The following ESYT2 variants were observed in gnomAD, a reference collection of about 807,000 sequenced individuals.
ESYT2 encodes extended synaptotagmin 2.
ESYT2 carries 54 observed loss-of-function variants against 107.2 expected under a neutral mutation model. The observed-to-expected ratio is 0.50, with a 90% CI of 0.40 to 0.63. ESYT2 has a LOEUF of 0.63. ESYT2 is among the 30% of genes least tolerant of loss of function. ESYT2 has a pLI of 0.00. For synonymous variants in ESYT2, 491 were observed against 434.1 expected (o/e 1.13, Z -1.63); for missense variants, 1,020 against 1,094.5 (o/e 0.93, Z 0.96).
At chr7:158,735,759 G>C in intron 20 of ESYT2, 151 bp from the exon 21 acceptor site, 1 of 719,774 alleles carries the variant, frequency 1.4e-6, no homozygotes, top group Non-Finnish European at 2.2e-6. Flanking sequence ...TTTTAATCTG[G>C]CATTTCAGGA....
At chr7:158,776,492 T>C (rs1838567447) in intron 6 of ESYT2, among the ~76,000 whole-genome samples, 2 of 152,274 alleles carry the variant, frequency 1.3e-5, no homozygotes, top group African/African-American at 2.4e-5. Context: ...TTTTATGTTA[T>C]GGAGATGGCT....
chr7:158,822,246 T>C (rs1476523614), intron 1 of ESYT2, among the ~76,000 whole-genome samples: 2 of 152,198 alleles, frequency 1.3e-5, no homozygotes, highest in Non-Finnish European at 2.9e-5. Context: ...AAAATTATGT[T>C]CTGATAGAAT....
intron 1 of ESYT2, among the ~76,000 whole-genome samples, chr7:158,819,501 T>C (rs1840234246): frequency 6.6e-6 from 1 of 152,234 alleles, no homozygotes; most frequent in Non-Finnish European, 1.5e-5. Context: ...GTCAAAGTCA[T>C]ATTTCTGAAG....
chr7:158,740,408 C>T (rs1226643165), intron 18 of ESYT2, among the ~76,000 whole-genome samples: 1 of 152,236 alleles, frequency 6.6e-6, no homozygotes, highest in Non-Finnish European at 1.5e-5. Context: ...GTTAAAACCA[C>T]ACAGTGTCCT....
At chr7:158,762,177 T>G (rs1461802220) in intron 10 of ESYT2, among the ~76,000 whole-genome samples, 1 of 152,102 alleles carries the variant, frequency 6.6e-6, no homozygotes, top group African/African-American at 2.4e-5. Context: ...CTAGATGGGA[T>G]GATTATACTC....
chr7:158,782,185 AAGAACAAGTG>A (rs1236061042), intron 6 of ESYT2, among the ~76,000 whole-genome samples: 35 of 147,786 alleles, frequency 2.4e-4, no homozygotes, highest in Non-Finnish European at 4.0e-4. Flanking sequence ...GTGAGTGTGA[AAGAACAAGTG>A]AGAACAAGTG....
chr7:158,782,665 A>AGTGTGAGAACAAATGTGAGAATGG (rs1236741305), intron 6 of ESYT2, among the ~76,000 whole-genome samples: 1 of 152,184 alleles, frequency 6.6e-6, no homozygotes, highest in Non-Finnish European at 1.5e-5. Flanking sequence ...TTAAAGAACA[A>AGTGTGAGAACAAATGTGAGAATGG]GTGTGAGAAC....
rs975015785 is a variant in ESYT2, at chr7:158,755,610, A to G, written c.1420-2767T>C. 9.9e-5 allele frequency among the ~76,000 whole-genome samples: 15 copies of G among 152,210 alleles called. 1 individual carries two copies. The highest frequency in any genetic ancestry group is 3.6e-4 in the African/African-American group (15 of 41,450). ...AAAAAATTATTTTCTTAAAAGTAAC[A>G]GGATATGCTGCTGTTACTTTTAAGC... On this transcript the variant is annotated intron_variant, in intron 13 of 22. Transcript: ENST00000275418.
intron 1 of ESYT2, among the ~76,000 whole-genome samples, chr7:158,815,652 T>C (rs1840131134): frequency 6.6e-6 from 1 of 152,192 alleles, no homozygotes; most frequent in Admixed American, 6.5e-5. Context: ...CTGCTTCCTG[T>C]GGTCATCTCA....
chr7:158,760,234 T>G, intron 11 of ESYT2, 87 bp from the exon 12 acceptor site: 1 of 1,209,144 alleles, frequency 8.3e-7, no homozygotes, highest in Non-Finnish European at 1.2e-6. Flanking sequence ...TGTTCCATGC[T>G]GCTCACTAAC....
chr7:158,743,407 G>A (rs1278023010), intron 17 of ESYT2, 122 bp downstream of exon 17: 14 of 1,295,552 alleles, frequency 1.1e-5, no homozygotes, highest in South Asian at 5.7e-5. Context: ...GCCCTCCTGC[G>A]GCCCAGAGCT....
chr7:158,782,688 G>A (rs1486203847), intron 6 of ESYT2, among the ~76,000 whole-genome samples: 3 of 152,178 alleles, frequency 2.0e-5, no homozygotes, highest in Non-Finnish European at 4.4e-5. Flanking sequence ...ATGTGAGAAT[G>A]GGTGTGAAAA....
chr7:158,757,179 C>T (rs980959147), intron 13 of ESYT2, among the ~76,000 whole-genome samples: 3 of 152,010 alleles, frequency 2.0e-5, no homozygotes, highest in Non-Finnish European at 4.4e-5. Context: ...TTTCACAAAA[C>T]AAGCACAAAA....
intron 1 of ESYT2, among the ~76,000 whole-genome samples, chr7:158,828,612 G>A (rs903130629): frequency 6.6e-6 from 1 of 152,170 alleles, no homozygotes; most frequent in African/African-American, 2.4e-5. Flanking sequence ...CCCGGACCCG[G>A]AGCCTGGGCG....
At chr7:158,753,871 C>T (rs766449937) in intron 13 of ESYT2, among the ~76,000 whole-genome samples, 8 of 152,082 alleles carry the variant, frequency 5.3e-5, no homozygotes, top group Non-Finnish European at 1.2e-4. Flanking sequence ...CTCTGCTGCC[C>T]GGAAGGACTG....
intron 13 of ESYT2, among the ~76,000 whole-genome samples, chr7:158,756,417 G>A (rs1481713814): frequency 6.6e-6 from 1 of 152,232 alleles, no homozygotes; most frequent in Admixed American, 6.5e-5. Flanking sequence ...TGTCTTAAAA[G>A]AAAGTGAATC....
intron 1 of ESYT2, among the ~76,000 whole-genome samples, chr7:158,826,657 C>A (rs1035941462): frequency 6.6e-6 from 1 of 150,940 alleles, no homozygotes; most frequent in African/African-American, 2.4e-5. Context: ...CCAGTCTCTA[C>A]TAAAAATACA....
chr7:158,771,821 G>T (rs1376638333), intron 7 of ESYT2, among the ~76,000 whole-genome samples: 1 of 152,032 alleles, frequency 6.6e-6, no homozygotes, highest in Non-Finnish European at 1.5e-5. Flanking sequence ...ACTGCTTTTT[G>T]AAAATATTAT....
chr7:158,826,369 T>C (rs1283409732), intron 1 of ESYT2, among the ~76,000 whole-genome samples: 1 of 152,150 alleles, frequency 6.6e-6, no homozygotes, highest in East Asian at 1.9e-4. Context: ...ACATGTGGGA[T>C]TATGAGCTCA....
Sources: allele counts gnomAD v4.1 joint callset (sites outside exome capture counted in the v4.1 genomes callset), GRCh38; gene constraint gnomAD v4.1.1; transcripts MANE v1.5; gene names NCBI Gene and HGNC (gene_info 2026-07-23, HGNC 2026-07-21).